ARHGAP10: variants seen among roughly 807,000 people sequenced by gnomAD.
ARHGAP10 encodes the protein rho GTPase-activating protein 10.
A neutral mutation model predicts 108.6 loss-of-function variants in ARHGAP10; 87 were observed. That is an observed-to-expected ratio of 0.80 (90% CI 0.67 to 0.96). The LOEUF (loss-of-function observed/expected upper bound fraction) is 0.96. Among genes scored for constraint, ARHGAP10 ranks in the 40% least tolerant of loss-of-function variants. The pLI, the probability that ARHGAP10 is intolerant of heterozygous loss-of-function variation, is 0.00. For missense variants in ARHGAP10, 939 were observed against 954.5 expected (o/e 0.98, Z 0.21); for synonymous variants, 347 against 341.1 (o/e 1.02, Z -0.19).
intron 20 of ARHGAP10, among the ~76,000 whole-genome samples, chr4:148,059,062 C>A (rs1729488435): frequency 6.6e-6 from 1 of 152,178 alleles, no homozygotes; most frequent in South Asian, 2.1e-4. Flanking sequence ...AATTTGAAAT[C>A]TTCATGTGCT....
intron 3 of ARHGAP10, among the ~76,000 whole-genome samples, chr4:147,830,252 T>C (rs535912467): frequency 6.6e-6 from 1 of 152,268 alleles, no homozygotes; most frequent in East Asian, 1.9e-4. Flanking sequence ...TTTGCCCCTA[T>C]AGGGAAGGTA....
At chr4:147,924,174 A>G (rs1289640037) in intron 13 of ARHGAP10, among the ~76,000 whole-genome samples, 1 of 152,186 alleles carries the variant, frequency 6.6e-6, no homozygotes, top group Admixed American at 6.5e-5. Context: ...TTTTAAGGAA[A>G]CTCTGAGAAA....
At chr4:147,826,090 C>T (rs1312357805) in intron 3 of ARHGAP10, among the ~76,000 whole-genome samples, 3 of 152,190 alleles carry the variant, frequency 2.0e-5, no homozygotes, top group Admixed American at 1.3e-4. Context: ...TAGGATACTG[C>T]ACAAAGGGCA....
chr4:148,064,333 T>G, intron 21 of ARHGAP10, 83 bp from the exon 22 acceptor site: 2 of 1,176,300 alleles, frequency 1.7e-6, no homozygotes, highest in Non-Finnish European at 2.4e-6. Context: ...TCAGTGAGAT[T>G]TGGGGAAGGG....
At chr4:148,049,475 G>A (rs1437857814) in intron 20 of ARHGAP10, among the ~76,000 whole-genome samples, 3 of 152,156 alleles carry the variant, frequency 2.0e-5, no homozygotes, top group Non-Finnish European at 4.4e-5. Context: ...TAGCCGGTGT[G>A]TGCTTCCCAC....
intron 18 of ARHGAP10, among the ~76,000 whole-genome samples, chr4:148,001,506 G>C (rs1405360256): frequency 6.6e-6 from 1 of 152,120 alleles, no homozygotes; most frequent in African/African-American, 2.4e-5. Flanking sequence ...ACCTTGGGTG[G>C]TATGGCCATT....
At chr4:147,951,846 A>G (rs554944160) in intron 15 of ARHGAP10, among the ~76,000 whole-genome samples, 1 of 152,258 alleles carries the variant, frequency 6.6e-6, no homozygotes, top group South Asian at 2.1e-4. Flanking sequence ...GGTAAGTTTG[A>G]TATATGTATA....
intron 1 of ARHGAP10, among the ~76,000 whole-genome samples, chr4:147,739,217 A>T (rs1728553559): frequency 6.6e-6 from 1 of 151,828 alleles, no homozygotes; most frequent in Non-Finnish European, 1.5e-5. Flanking sequence ...AAGAAAATAC[A>T]TTGGCAAATC....
At chr4:147,846,763 A>T (rs1461447781) in intron 3 of ARHGAP10, among the ~76,000 whole-genome samples, 1 of 152,228 alleles carries the variant, frequency 6.6e-6, no homozygotes, top group South Asian at 2.1e-4. Flanking sequence ...TAGTCTGATT[A>T]TCAATAAAGG....
intron 18 of ARHGAP10, among the ~76,000 whole-genome samples, chr4:148,005,953 G>T (rs575835528): frequency 3.1e-4 from 47 of 152,316 alleles, no homozygotes; most frequent in African/African-American, 1.0e-3. Context: ...TCTTAGTGCA[G>T]ATTAAAAGTA....
intron 19 of ARHGAP10, 135 bp downstream of exon 19, chr4:148,023,548 T>A: frequency 9.3e-7 from 1 of 1,074,304 alleles, no homozygotes; most frequent in Non-Finnish European, 1.2e-6. Context: ...TTTTGAGATT[T>A]ACAGGGAGGG....
intron 1 of ARHGAP10, among the ~76,000 whole-genome samples, chr4:147,741,780 A>ACACACG (rs1560733765): frequency 2.7e-5 from 1 of 37,258 alleles, no homozygotes; most frequent in African/African-American, 6.8e-5. Flanking sequence ...ACACACACAC[A>ACACACG]CACACACACA....
At chr4:147,965,937 G>C (rs1431181465) in intron 17 of ARHGAP10, among the ~76,000 whole-genome samples, 1 of 152,222 alleles carries the variant, frequency 6.6e-6, no homozygotes, top group Non-Finnish European at 1.5e-5. Flanking sequence ...AGAATATATT[G>C]AGTGTGAGAC....
At chr4:147,828,642 T>C (rs907846653) in intron 3 of ARHGAP10, among the ~76,000 whole-genome samples, 2 of 152,228 alleles carry the variant, frequency 1.3e-5, no homozygotes, top group Non-Finnish European at 2.9e-5. Flanking sequence ...GCCTTAGCTA[T>C]GTCTGGTTTC....
chr4:147,874,248 A>G (rs1734966791), intron 7 of ARHGAP10, among the ~76,000 whole-genome samples: 1 of 152,156 alleles, frequency 6.6e-6, no homozygotes, highest in African/African-American at 2.4e-5. Flanking sequence ...TTTGGTATTA[A>G]TACAATTATT....
chr4:148,023,455 A>G (rs762710397), intron 19 of ARHGAP10, 42 bp downstream of exon 19: 2 of 1,589,584 alleles, frequency 1.3e-6, no homozygotes, highest in Non-Finnish European at 1.7e-6. Context: ...GCATGTTGAG[A>G]GTATGGCGTA....
intron 3 of ARHGAP10, among the ~76,000 whole-genome samples, chr4:147,833,531 T>A (rs1234742163): frequency 1.3e-5 from 2 of 152,192 alleles, no homozygotes; most frequent in East Asian, 3.8e-4. Flanking sequence ...GACTAATTCA[T>A]GTGGGAAAAA....
chr4:147,799,650 A>G (rs1236781180), intron 1 of ARHGAP10, among the ~76,000 whole-genome samples: 1 of 152,104 alleles, frequency 6.6e-6, no homozygotes, highest in South Asian at 2.1e-4. Flanking sequence ...CAGTTGTATA[A>G]TTTATATTTG....
intron 21 of ARHGAP10, 46 bp downstream of exon 21, chr4:148,063,346 AG>A (rs1377234165): frequency 6.2e-7 from 1 of 1,610,286 alleles, no homozygotes; most frequent in South Asian, 1.1e-5. Context: ...CAGCACACAC[AG>A]GGGGCTTGAT....
Sources: gnomAD v4.1 joint callset for allele counts (sites outside exome capture counted in the v4.1 genomes callset) on GRCh38, gnomAD v4.1.1 for gene constraint, MANE v1.5 for transcripts, NCBI Gene and HGNC (gene_info 2026-07-23, HGNC 2026-07-21) for gene names.